GSK3B: variants seen among roughly 807,000 people sequenced by gnomAD.
GSK3B encodes the protein glycogen synthase kinase-3 beta.
GSK3B carries 15 observed loss-of-function variants against 56.4 expected under a neutral mutation model. The observed-to-expected ratio is 0.27, with a 90% confidence interval of 0.18 to 0.41. The LOEUF (loss-of-function observed/expected upper bound fraction) is 0.41, where lower values mean the gene tolerates loss of function less well. Among genes scored for constraint, GSK3B ranks in the 10% least tolerant of loss-of-function variants. The pLI is 1.00. For synonymous variants in GSK3B, 181 were observed against 188.9 expected (o/e 0.96, Z 0.34); for missense variants, 300 against 513.4 (o/e 0.58, Z 4.02).
At chr3:119,848,118 GTACT>G (rs1395273290) in intron 9 of GSK3B, among the ~76,000 whole-genome samples, 1 of 152,322 alleles carries the variant, frequency 6.6e-6, no homozygotes, top group African/African-American at 2.4e-5. Flanking sequence ...TCTGTCAACT[GTACT>G]TACTTCTTTG....
chr3:119,904,496 A>T (rs948461629), intron 7 of GSK3B, among the ~76,000 whole-genome samples: 4 of 152,214 alleles, frequency 2.6e-5, no homozygotes, highest in Admixed American at 1.3e-4. Flanking sequence ...AAGATCGCTT[A>T]TTACACACTA....
chr3:120,009,592 A>C (rs1247701618), intron 1 of GSK3B, among the ~76,000 whole-genome samples: 1 of 152,162 alleles, frequency 6.6e-6, no homozygotes, highest in Non-Finnish European at 1.5e-5. Flanking sequence ...TCACAAGCTC[A>C]GAAAACCAAA....
At chr3:119,914,324 A>G (rs548782283) in intron 5 of GSK3B, among the ~76,000 whole-genome samples, 11 of 152,222 alleles carry the variant, frequency 7.2e-5, no homozygotes, top group South Asian at 2.1e-4. Context: ...AAACAAAAAA[A>G]TCAGAGGGTT....
At chr3:119,836,115 G>A (rs1003568950) in intron 10 of GSK3B, among the ~76,000 whole-genome samples, 1 of 152,150 alleles carries the variant, frequency 6.6e-6, no homozygotes, top group Non-Finnish European at 1.5e-5. Flanking sequence ...AAATCTGAAC[G>A]AGACTATAGC....
At chr3:119,975,562 C>T (rs1205022952) in intron 2 of GSK3B, among the ~76,000 whole-genome samples, 1 of 151,960 alleles carries the variant, frequency 6.6e-6, no homozygotes, top group Non-Finnish European at 1.5e-5. Flanking sequence ...CAAGAAAAGG[C>T]AAAACTATGG....
At chr3:119,898,633 C>A (rs1310298079) in intron 7 of GSK3B, among the ~76,000 whole-genome samples, 1 of 152,038 alleles carries the variant, frequency 6.6e-6, no homozygotes, top group East Asian at 1.9e-4. Flanking sequence ...ATAAATTGAG[C>A]TACAGATGAA....
intron 8 of GSK3B, among the ~76,000 whole-genome samples, chr3:119,870,049 T>C (rs1204119429): frequency 6.6e-6 from 1 of 152,210 alleles, no homozygotes; most frequent in African/African-American, 2.4e-5. Context: ...TCTCTCCACC[T>C]TGAGAGATAT....
chr3:120,065,363 A>G (rs1371367009), intron 1 of GSK3B, among the ~76,000 whole-genome samples: 1 of 152,162 alleles, frequency 6.6e-6, no homozygotes, highest in Admixed American at 6.5e-5. Flanking sequence ...TTGCACCTAA[A>G]AAGATGCTCT....
At chr3:119,903,663 A>C (rs565847945) in intron 7 of GSK3B, among the ~76,000 whole-genome samples, 1 of 152,232 alleles carries the variant, frequency 6.6e-6, no homozygotes, top group African/African-American at 2.4e-5. Flanking sequence ...ATAGGGAATT[A>C]TCACAGATGC....
chr3:119,859,064 T>C lies in GSK3B; in HGVS notation c.1096+4355A>G, dbSNP rs2056063065. 2.0e-5 allele frequency among the ~76,000 whole-genome samples: 3 copies of C among 151,892 alleles called. No homozygotes were observed. The South Asian group carries it at 6.2e-4, about 32-fold the overall frequency. The stretch of plus-strand genomic sequence containing the variant: ...TAAATATTGCAAGAATTACCAAATG[T>C]GGCACAGAGACACAAAATAAACATA... On this transcript the variant is annotated intron_variant, in intron 9 of 10. Coordinates refer to ENST00000264235, the MANE Select transcript of GSK3B (RefSeq NM_001146156.2).
intron 1 of GSK3B, among the ~76,000 whole-genome samples, chr3:120,005,259 A>G (rs1476243501): frequency 2.0e-5 from 3 of 152,234 alleles, no homozygotes; most frequent in Non-Finnish European, 4.4e-5. Context: ...CAAAGCCTTC[A>G]AGAAATACGG....
intron 10 of GSK3B, among the ~76,000 whole-genome samples, chr3:119,829,867 C>G (rs544603076): frequency 6.6e-6 from 1 of 152,178 alleles, no homozygotes; most frequent in African/African-American, 2.4e-5. Flanking sequence ...TTTCAAATCA[C>G]TTAATGAACA....
In GSK3B at chr3:120,093,975, C is replaced by T. The variant is rs41271403; in HGVS notation, c.-541G>A. The T allele has an allele frequency of 0.022, 4,572 of 211,606 alleles. 75 individuals are homozygous for T. Among genetic ancestry groups the T allele is most frequent in the Non-Finnish European group, 0.031 (3,153 of 103,260 alleles). The allele number at this position is 211,606 out of a possible 1,614,324, so 13.1% of individuals were successfully genotyped here. A position where few individuals can be genotyped will look rare whatever the true frequency, so the allele number is the denominator to read the frequency against. ...TGCAGCTCCGGCAAGCCGCGGGATCCGGCGGGCTGACGGCAGGGGCCCGGC... is the reference window on the plus strand; with the variant it reads ...TGCAGCTCCGGCAAGCCGCGGGATCTGGCGGGCTGACGGCAGGGGCCCGGC... On this transcript the variant is annotated 5_prime_UTR_variant, in exon 1 of 11. Coordinates refer to ENST00000264235, the MANE Select transcript of GSK3B (RefSeq NM_001146156.2).
intron 2 of GSK3B, among the ~76,000 whole-genome samples, chr3:119,991,964 A>C (rs1028089244): frequency 6.6e-6 from 1 of 152,150 alleles, no homozygotes; most frequent in African/African-American, 2.4e-5. Context: ...TCTGAAAGAC[A>C]TAAAAGTAGA....
chr3:119,928,500 G>A (rs1437893736), intron 3 of GSK3B, among the ~76,000 whole-genome samples: 1 of 151,626 alleles, frequency 6.6e-6, no homozygotes, highest in African/African-American at 2.4e-5. Flanking sequence ...AGCTACTTGG[G>A]AGGCTGAGGC....
Position 119,876,278 on chromosome 3 carries a change from CAT to C in GSK3B, c.909+133_909+134del, listed in dbSNP as rs1385138306. 3 of 607,290 alleles carry C rather than the reference CAT, an allele frequency of 4.9e-6. No homozygotes were observed. In the African/African-American group the frequency reaches 5.6e-5, roughly 11 times the overall value. 37.6% of individuals were successfully genotyped at this position (607,290 alleles called of 1,614,324 possible). ...ATAAAGTCAATGAAACACTCAAGTA[CAT>C]CTATACAACTATCTTTACATGCAGA... On this transcript the variant is annotated intron_variant, in intron 8 of 10. Transcript: ENST00000264235.
At chr3:119,857,867 T>C (rs1353875938) in intron 9 of GSK3B, among the ~76,000 whole-genome samples, 1 of 152,238 alleles carries the variant, frequency 6.6e-6, no homozygotes, top group East Asian at 1.9e-4. Context: ...ATCCATGGGC[T>C]GCAGAAATGG....
intron 1 of GSK3B, among the ~76,000 whole-genome samples, chr3:120,034,776 AG>A (rs2058007987): frequency 6.6e-6 from 1 of 152,210 alleles, no homozygotes; most frequent in African/African-American, 2.4e-5. Flanking sequence ...ATTTAGAAAC[AG>A]GGTCTTCACA....
chr3:120,006,387 T>C (rs1342487774), intron 1 of GSK3B, among the ~76,000 whole-genome samples: 5 of 152,154 alleles, frequency 3.3e-5, no homozygotes, highest in African/African-American at 1.2e-4. Flanking sequence ...TACTCAGGAC[T>C]TGAACTCAGC....
Sources: allele counts gnomAD v4.1 joint callset (sites outside exome capture counted in the v4.1 genomes callset), GRCh38; gene constraint gnomAD v4.1.1; transcripts MANE v1.5; gene names NCBI Gene and HGNC (gene_info 2026-07-23, HGNC 2026-07-21).